The following BLTP1 variants were observed in gnomAD, a reference collection of about 807,000 sequenced individuals.
BLTP1 encodes bridge-like lipid transfer protein family member 1, also known as fragile site-associated protein.
the BLTP1 span, chr4:122,254,022 A>G: frequency 5.8e-6 from 1 of 171,268 alleles, no homozygotes; most frequent in Non-Finnish European, 1.2e-5. Flanking sequence ...AAGGAAAAAC[A>G]CTTTTAAAAG....
At chr4:122,284,394 G>GT in the BLTP1 span, among the ~76,000 whole-genome samples, 9 of 152,068 alleles carry the variant, frequency 5.9e-5, no homozygotes, top group Admixed American at 5.9e-4. Context: ...CTGCTATCAG[G>GT]TTAAGAAAAT....
chr4:122,338,697 G>T, the BLTP1 span, among the ~76,000 whole-genome samples: 1 of 152,026 alleles, frequency 6.6e-6, no homozygotes, highest in Admixed American at 6.6e-5. Context: ...ACTAAAAAAA[G>T]AGACACCCCT....
At chr4:122,273,857 C>T in the BLTP1 span, among the ~76,000 whole-genome samples, 2 of 151,840 alleles carry the variant, frequency 1.3e-5, no homozygotes, top group Non-Finnish European at 2.9e-5. Flanking sequence ...TTAATATGAA[C>T]AATAATGCTA....
At chr4:122,355,712 A>G in the BLTP1 span, 3 of 1,390,374 alleles carry the variant, frequency 2.2e-6, no homozygotes, top group Non-Finnish European at 2.9e-6. Flanking sequence ...ATAGTTCTGT[A>G]TATTATAGTT....
chr4:122,220,402 G>A, the BLTP1 span: 3 of 1,612,492 alleles, frequency 1.9e-6, no homozygotes, highest in Admixed American at 5.0e-5. Context: ...AATGAAAAAA[G>A]GATTTAGGGA....
At chr4:122,354,744 G>A in the BLTP1 span, among the ~76,000 whole-genome samples, 2 of 149,022 alleles carry the variant, frequency 1.3e-5, no homozygotes, top group Admixed American at 1.3e-4. Flanking sequence ...TTGGCTCACT[G>A]CAACCTCCAT....
the BLTP1 span, chr4:122,201,759 A>C: frequency 2.1e-6 from 1 of 468,574 alleles, no homozygotes; most frequent in Non-Finnish European, 2.8e-6. Context: ...AAGTTGGTCT[A>C]ATTTGCCAGG....
chr4:122,307,084 A>T, the BLTP1 span, among the ~76,000 whole-genome samples: 2 of 152,086 alleles, frequency 1.3e-5, no homozygotes, highest in African/African-American at 4.8e-5. Context: ...TTGGGACAGG[A>T]AGTGTTTCAG....
the BLTP1 span, among the ~76,000 whole-genome samples, chr4:122,321,963 G>C: frequency 1.9e-5 from 1 of 52,122 alleles, no homozygotes. Context: ...GTTTGATAAT[G>C]ATATAACTAC....
the BLTP1 span, chr4:122,219,327 T>C: frequency 6.2e-7 from 1 of 1,608,166 alleles, no homozygotes; most frequent in East Asian, 2.2e-5. Flanking sequence ...TTGTGTTTTC[T>C]TAATATTTAT....
chr4:122,232,180 C>T, the BLTP1 span: 11 of 902,524 alleles, frequency 1.2e-5, no homozygotes, highest in South Asian at 5.1e-5. Context: ...ATCTTTCTTA[C>T]GAGTTAACAA....
At chr4:122,269,520 T>G in the BLTP1 span, 1 of 985,286 alleles carries the variant, frequency 1.0e-6, no homozygotes, top group Non-Finnish European at 1.2e-6. Context: ...CATGATCAGC[T>G]TTTATTTCTC....
At chr4:122,270,513 T>A in the BLTP1 span, 5 of 253,002 alleles carry the variant, frequency 2.0e-5, no homozygotes, top group Admixed American at 1.3e-4. Flanking sequence ...TATCAGATTT[T>A]AAGGTTTTGT....
the BLTP1 span, chr4:122,359,984 G>T: frequency 1.1e-5 from 11 of 985,298 alleles, no homozygotes; most frequent in East Asian, 1.1e-3. Context: ...GAGAATAATT[G>T]TCCTTCCACT....
At chr4:122,305,197 A>G in the BLTP1 span, 239 of 983,716 alleles carry the variant, frequency 2.4e-4, no homozygotes, top group Non-Finnish European at 2.8e-4. Flanking sequence ...ATGCACTCAC[A>G]TAAAACTTAA....
At chr4:122,214,579 C>A in the BLTP1 span, 3 of 746,552 alleles carry the variant, frequency 4.0e-6, no homozygotes, top group Non-Finnish European at 4.8e-6. Context: ...ATTTGATCAA[C>A]CTTTTTGGTA....
the BLTP1 span, among the ~76,000 whole-genome samples, chr4:122,278,839 C>G: frequency 2.0e-5 from 3 of 152,090 alleles, no homozygotes; most frequent in African/African-American, 7.2e-5. Flanking sequence ...TCCTTGTTGC[C>G]CAGGCTGATT....
At chr4:122,333,911 T>A in the BLTP1 span, 2 of 1,375,536 alleles carry the variant, frequency 1.5e-6, no homozygotes, top group Non-Finnish European at 1.9e-6. Context: ...AAAATGAGAC[T>A]TAGTGACTTC....
the BLTP1 span, chr4:122,239,958 A>G: frequency 6.2e-7 from 1 of 1,614,118 alleles, no homozygotes; most frequent in Non-Finnish European, 8.5e-7. Flanking sequence ...AACCCAGCAG[A>G]TTGACTACAG....
Sources: allele counts gnomAD v4.1 joint callset (sites outside exome capture counted in the v4.1 genomes callset), GRCh38; gene constraint gnomAD v4.1.1; transcripts MANE v1.5; gene names NCBI Gene and HGNC (gene_info 2026-07-23, HGNC 2026-07-21).